The following CALN1 variants were observed in gnomAD, a reference collection of about 807,000 sequenced individuals.
CALN1 encodes calcium-binding protein 8.
Under a neutral mutation model 30.6 loss-of-function variants are expected in CALN1, and 17 were observed. The ratio of observed to expected loss-of-function variants is 0.56; its 90% CI spans 0.38 to 0.83. The LOEUF is 0.83. Among genes scored for constraint, CALN1 ranks in the 40% least tolerant of loss-of-function variants. CALN1 has a pLI of 0.00. For synonymous variants in CALN1, 156 were observed against 131.4 expected, an observed-to-expected ratio of 1.19 and a Z score of -1.28; for missense variants, 291 against 354.9, an observed-to-expected ratio of 0.82 and a Z score of 1.45.
chr7:72,409,808 G>A (rs183643355), intron 1 of CALN1, among the ~76,000 whole-genome samples: 128 of 152,182 alleles, frequency 8.4e-4, no homozygotes, highest in Non-Finnish European at 1.3e-3. Flanking sequence ...GAATCACCAA[G>A]GAACGTTCCC....
chr7:71,997,589 G>A (rs1584711094), intron 5 of CALN1, among the ~76,000 whole-genome samples: 1 of 152,096 alleles, frequency 6.6e-6, no homozygotes, highest in East Asian at 1.9e-4. Flanking sequence ...ACCTCATACA[G>A]AAAAAATCCA....
intron 2 of CALN1, among the ~76,000 whole-genome samples, chr7:72,394,831 AT>A (rs1235910688): frequency 6.6e-6 from 1 of 151,498 alleles, no homozygotes; most frequent in Non-Finnish European, 1.5e-5. Flanking sequence ...GTTTTATTTT[AT>A]TTTTTTGTAG....
chr7:72,305,887 G>T (rs1295441971), intron 2 of CALN1, among the ~76,000 whole-genome samples: 1 of 152,142 alleles, frequency 6.6e-6, no homozygotes, highest in Non-Finnish European at 1.5e-5. Flanking sequence ...CATGGTCGGG[G>T]AGAGACAGAA....
At chr7:72,088,475 G>T (rs1237235482) in intron 4 of CALN1, among the ~76,000 whole-genome samples, 1 of 152,074 alleles carries the variant, frequency 6.6e-6, no homozygotes, top group Non-Finnish European at 1.5e-5. Context: ...CAGGCAGGTG[G>T]ATCACCTGAG....
chr7:71,866,668 G>A (rs979643863), intron 5 of CALN1, among the ~76,000 whole-genome samples: 7 of 152,058 alleles, frequency 4.6e-5, no homozygotes, highest in Non-Finnish European at 8.8e-5. Context: ...ACATCCTACC[G>A]AACCCCCAAA....
chr7:71,860,672 A>G (rs1584390927), intron 5 of CALN1, among the ~76,000 whole-genome samples: 1 of 152,306 alleles, frequency 6.6e-6, no homozygotes, highest in Middle Eastern at 3.4e-3. Flanking sequence ...ATGACATGAC[A>G]TTGTTACACA....
At chr7:72,212,037 T>C (rs1792433492) in intron 3 of CALN1, among the ~76,000 whole-genome samples, 1 of 152,044 alleles carries the variant, frequency 6.6e-6, no homozygotes, top group Non-Finnish European at 1.5e-5. Context: ...CCAATTCAAA[T>C]CCATGTTTCC....
intron 5 of CALN1, among the ~76,000 whole-genome samples, chr7:72,012,807 T>C (rs752902411): frequency 4.6e-5 from 7 of 152,154 alleles, no homozygotes; most frequent in Admixed American, 1.3e-4. Flanking sequence ...ATTTATTGAT[T>C]GATTTTGAGA....
At chr7:72,000,813 G>A (rs1487029268) in intron 5 of CALN1, among the ~76,000 whole-genome samples, 1 of 152,186 alleles carries the variant, frequency 6.6e-6, no homozygotes, top group African/African-American at 2.4e-5. Context: ...ACTGAATCCA[G>A]TAATGTATAA....
intron 5 of CALN1, among the ~76,000 whole-genome samples, chr7:71,857,423 A>G (rs1414669975): frequency 2.0e-5 from 3 of 152,154 alleles, no homozygotes; most frequent in African/African-American, 4.8e-5. Context: ...AGGAGTTTAA[A>G]TGGAGGGGCT....
chr7:72,310,678 T>C (rs1320441893), intron 2 of CALN1, among the ~76,000 whole-genome samples: 1 of 150,904 alleles, frequency 6.6e-6, no homozygotes, highest in Non-Finnish European at 1.5e-5. Context: ...CCAAGATGAG[T>C]GGATCACCTG....
At chr7:72,217,022 G>A (rs542776599) in intron 3 of CALN1, among the ~76,000 whole-genome samples, 1 of 152,254 alleles carries the variant, frequency 6.6e-6, no homozygotes, top group Admixed American at 6.5e-5. Context: ...ACAGGTGTGA[G>A]CCATCACATC....
At chr7:71,918,523 G>A (rs1794790333) in intron 5 of CALN1, among the ~76,000 whole-genome samples, 1 of 152,174 alleles carries the variant, frequency 6.6e-6, no homozygotes, top group African/African-American at 2.4e-5. Flanking sequence ...GAGAACTGAG[G>A]CATGCCAAGG....
At chr7:72,105,292 T>C (rs974090185) in intron 4 of CALN1, among the ~76,000 whole-genome samples, 3 of 152,178 alleles carry the variant, frequency 2.0e-5, no homozygotes, top group Non-Finnish European at 2.9e-5. Flanking sequence ...CTTCCACTTA[T>C]ATTTGTCCAT....
At chr7:72,056,817 AAAT>A (rs1803285772) in intron 4 of CALN1, among the ~76,000 whole-genome samples, 1 of 152,206 alleles carries the variant, frequency 6.6e-6, no homozygotes, top group African/African-American at 2.4e-5. Context: ...AGACAAACAC[AAAT>A]ATTAAACATG....
Position 71,813,429 on chromosome 7 carries a change from T to TA in CALN1, c.502-2938dup, listed in dbSNP as rs781194825. Among the ~76,000 whole-genome samples, 7 of 152,256 alleles carry TA rather than the reference T, an allele frequency of 4.6e-5. No homozygotes were observed. The East Asian group carries it at 7.7e-4, about 17-fold the overall frequency. On this transcript the variant is annotated intron_variant, in intron 5 of 6. Coordinates refer to ENST00000395275, the MANE Select transcript of CALN1 (RefSeq NM_031468.4). ...CTATTGAAACAAATCAATGCCTCTT[T>TA]AAAAAAATCTCTGAATGTGTTAAGT...
At chr7:71,908,867 T>G (rs1794277236) in intron 5 of CALN1, among the ~76,000 whole-genome samples, 1 of 152,212 alleles carries the variant, frequency 6.6e-6, no homozygotes, top group Admixed American at 6.5e-5. Flanking sequence ...ATCAGGGTGT[T>G]CTTAATCTTC....
chr7:72,432,960 C>T lies in CALN1; in HGVS notation c.-226+14082G>A, dbSNP rs539936867. On this transcript the variant is annotated intron_variant, in intron 1 of 6. Coordinates refer to the CALN1 transcript ENST00000395276. ...TTCTAGACAGCACATCAAGGAGAGGCGGGAAAAGAACAAGGCCATGGCTCT... is the reference window on the plus strand; with the variant it reads ...TTCTAGACAGCACATCAAGGAGAGGTGGGAAAAGAACAAGGCCATGGCTCT... Among the ~76,000 whole-genome samples the T allele has an allele frequency of 1.8e-4, 28 of 152,216 alleles. No homozygotes were observed. In the East Asian group the frequency reaches 4.1e-3, roughly 22 times the overall value.
intron 5 of CALN1, among the ~76,000 whole-genome samples, chr7:71,883,482 C>T (rs941254491): frequency 2.6e-5 from 4 of 152,140 alleles, no homozygotes; most frequent in Non-Finnish European, 5.9e-5. Flanking sequence ...CTTCTTCCCA[C>T]TTCTTGTTAG....
Sources: allele counts gnomAD v4.1 joint callset (sites outside exome capture counted in the v4.1 genomes callset), GRCh38; gene constraint gnomAD v4.1.1; transcripts MANE v1.5; gene names NCBI Gene and HGNC (gene_info 2026-07-23, HGNC 2026-07-21).